CIMIP6: variants seen among roughly 807,000 people sequenced by gnomAD.
CIMIP6 encodes the protein ciliary microtubule inner protein 6.
the CIMIP6 span, among the ~76,000 whole-genome samples, chr2:54,341,837 TGTGAA>T: frequency 1.3e-5 from 2 of 152,116 alleles, no homozygotes; most frequent in South Asian, 4.2e-4. Context: ...CTATTATAAT[TGTGAA>T]GTGGAGTGGA....
At chr2:54,340,460 C>T in the CIMIP6 span, among the ~76,000 whole-genome samples, 765 of 152,300 alleles carry the variant, frequency 5.0e-3, 10 homozygotes, top group African/African-American at 0.017. Context: ...AAAGGGCACG[C>T]ACATGTTGCA....
the CIMIP6 span, among the ~76,000 whole-genome samples, chr2:54,380,214 AT>A: frequency 6.6e-6 from 1 of 152,166 alleles, no homozygotes; most frequent in African/African-American, 2.4e-5. Context: ...CAGTGCTTGT[AT>A]TTATGATACC....
chr2:54,360,811 C>T, the CIMIP6 span: 3 of 355,978 alleles, frequency 8.4e-6, no homozygotes, highest in Non-Finnish European at 1.5e-5. Context: ...TTGCACAACA[C>T]ATGATCGTAA....
At chr2:54,383,609 C>T in the CIMIP6 span, 1 of 151,924 alleles carries the variant, frequency 6.6e-6, no homozygotes, top group Non-Finnish European at 1.5e-5. Context: ...ATGTAATATA[C>T]TCTCGTTTTT....
At chr2:54,351,466 C>T in the CIMIP6 span, among the ~76,000 whole-genome samples, 1 of 152,180 alleles carries the variant, frequency 6.6e-6, no homozygotes, top group Non-Finnish European at 1.5e-5. Context: ...GAGATCTGGT[C>T]CTTTGCAGGA....
chr2:54,341,740 G>A, the CIMIP6 span, among the ~76,000 whole-genome samples: 1 of 152,158 alleles, frequency 6.6e-6, no homozygotes, highest in Non-Finnish European at 1.5e-5. Flanking sequence ...CATCTGTAAA[G>A]TGGATGTGCC....
At chr2:54,342,173 G>C in the CIMIP6 span, among the ~76,000 whole-genome samples, 1 of 152,122 alleles carries the variant, frequency 6.6e-6, no homozygotes, top group Non-Finnish European at 1.5e-5. Context: ...AAGTGACAAA[G>C]TGAAGTCCAA....
At chr2:54,344,090 A>C in the CIMIP6 span, among the ~76,000 whole-genome samples, 2 of 152,168 alleles carry the variant, frequency 1.3e-5, no homozygotes, top group Admixed American at 1.3e-4. Context: ...TGAAAATTGT[A>C]TTGATCATTA....
chr2:54,353,488 A>G, the CIMIP6 span, among the ~76,000 whole-genome samples: 1 of 152,036 alleles, frequency 6.6e-6, no homozygotes, highest in African/African-American at 2.4e-5. Flanking sequence ...GGTTTTCATC[A>G]TAATTGCAGG....
the CIMIP6 span, chr2:54,359,184 A>G: frequency 7.4e-6 from 5 of 676,220 alleles, no homozygotes; most frequent in Non-Finnish European, 1.3e-5. Context: ...AAACTACTTC[A>G]GTTATTAATA....
chr2:54,362,891 A>C, the CIMIP6 span, among the ~76,000 whole-genome samples: 1 of 152,190 alleles, frequency 6.6e-6, no homozygotes, highest in African/African-American at 2.4e-5. Flanking sequence ...TAATGCAAGA[A>C]TTCCGTGACA....
chr2:54,354,764 T>G, the CIMIP6 span, among the ~76,000 whole-genome samples: 1 of 152,080 alleles, frequency 6.6e-6, no homozygotes, highest in Non-Finnish European at 1.5e-5. Context: ...TTATATTACC[T>G]ACAATTACTT....
At chr2:54,338,198 C>T in the CIMIP6 span, among the ~76,000 whole-genome samples, 1 of 152,008 alleles carries the variant, frequency 6.6e-6, no homozygotes, top group African/African-American at 2.4e-5. Flanking sequence ...CTTTGGAAGG[C>T]CAAGGCAGGA....
At chr2:54,348,046 G>T in the CIMIP6 span, among the ~76,000 whole-genome samples, 16 of 152,142 alleles carry the variant, frequency 1.1e-4, no homozygotes, top group Admixed American at 9.8e-4. Flanking sequence ...TTGTACTGGG[G>T]CTTGGGGAAA....
the CIMIP6 span, among the ~76,000 whole-genome samples, chr2:54,336,519 C>T: frequency 6.6e-6 from 1 of 152,124 alleles, no homozygotes. Flanking sequence ...TAGTAATTGT[C>T]CCTCTCATAG....
the CIMIP6 span, among the ~76,000 whole-genome samples, chr2:54,364,934 G>A: frequency 6.6e-6 from 1 of 152,148 alleles, no homozygotes; most frequent in Non-Finnish European, 1.5e-5. Context: ...GAAATGGAGA[G>A]AACACAAACA....
At chr2:54,384,005 C>T in the CIMIP6 span, among the ~76,000 whole-genome samples, 1 of 152,190 alleles carries the variant, frequency 6.6e-6, no homozygotes, top group African/African-American at 2.4e-5. Flanking sequence ...TTGGACTTCT[C>T]AGCTTCTAGA....
the CIMIP6 span, among the ~76,000 whole-genome samples, chr2:54,338,925 G>T: frequency 1.2e-4 from 9 of 73,436 alleles, 3 homozygotes; most frequent in Admixed American, 9.2e-4. Context: ...GCTGAGGTGG[G>T]CAGATCATGA....
chr2:54,375,885 G>GTGT, the CIMIP6 span, among the ~76,000 whole-genome samples: 4,532 of 150,204 alleles, frequency 0.03, 235 homozygotes, highest in African/African-American at 0.1. Context: ...TCATATAGGG[G>GTGT]GTGTGTGTGT....
Sources: allele counts gnomAD v4.1 joint callset (sites outside exome capture counted in the v4.1 genomes callset), GRCh38; gene constraint gnomAD v4.1.1; transcripts MANE v1.5; gene names NCBI Gene and HGNC (gene_info 2026-07-23, HGNC 2026-07-21).